The following CEP85L variants were observed in gnomAD, a reference collection of about 807,000 sequenced individuals.
CEP85L encodes centrosomal protein of 85 kDa-like.
A neutral mutation model predicts 100.3 loss-of-function variants in CEP85L; 60 were observed. The observed-to-expected ratio is 0.60, with a 90% confidence interval of 0.49 to 0.74. CEP85L has a LOEUF of 0.74. Ranked by LOEUF, CEP85L falls within the 30% of genes least tolerant of loss-of-function variation. CEP85L has a pLI of 0.00. For synonymous variants in CEP85L, 319 were observed against 322.7 expected, an observed-to-expected ratio of 0.99 and a Z score of 0.12; for missense variants, 973 against 936.2, an observed-to-expected ratio of 1.04 and a Z score of -0.51.
chr6:118,589,937 C>G (rs951965369), intron 2 of CEP85L, among the ~76,000 whole-genome samples: 3 of 152,134 alleles, frequency 2.0e-5, no homozygotes, highest in African/African-American at 7.2e-5. Flanking sequence ...CCTCAGAAAA[C>G]AAGTATTGTC....
At chr6:118,519,320 C>T (rs970813122) in intron 4 of CEP85L, among the ~76,000 whole-genome samples, 4 of 151,348 alleles carry the variant, frequency 2.6e-5, no homozygotes, top group Non-Finnish European at 4.4e-5. Context: ...TGGGTGTGGT[C>T]GCGGGCTACT....
chr6:118,701,039 A>G (rs1475947406), intron 1 of CEP85L, among the ~76,000 whole-genome samples: 1 of 152,200 alleles, frequency 6.6e-6, no homozygotes, highest in African/African-American at 2.4e-5. Context: ...TACATTCTGT[A>G]GGAGAGACAT....
chr6:118,611,579 G>A (rs542881057), intron 2 of CEP85L, among the ~76,000 whole-genome samples: 9 of 152,100 alleles, frequency 5.9e-5, no homozygotes, highest in Non-Finnish European at 8.8e-5. Context: ...GCAGATTGAT[G>A]AGAAACCACG....
chr6:118,661,861 C>T (rs1402720198), intron 1 of CEP85L, among the ~76,000 whole-genome samples: 1 of 152,206 alleles, frequency 6.6e-6, no homozygotes, highest in African/African-American at 2.4e-5. Flanking sequence ...ACTAAAGCCA[C>T]CTCATAAACC....
At chr6:118,646,719 C>G (rs1775223555) in intron 1 of CEP85L, among the ~76,000 whole-genome samples, 1 of 152,158 alleles carries the variant, frequency 6.6e-6, no homozygotes, top group South Asian at 2.1e-4. Context: ...TCTTCACTTT[C>G]TTAATGCAAA....
At chr6:118,487,077 T>C (rs1040646595) in intron 6 of CEP85L, among the ~76,000 whole-genome samples, 2 of 151,768 alleles carry the variant, frequency 1.3e-5, no homozygotes, top group African/African-American at 4.8e-5. Flanking sequence ...AAGAATAAAA[T>C]GCTATAAGCA....
intron 3 of CEP85L, among the ~76,000 whole-genome samples, chr6:118,557,164 A>G (rs879669112): frequency 6.6e-6 from 1 of 152,230 alleles, no homozygotes; most frequent in African/African-American, 2.4e-5. Flanking sequence ...ATAAAAAGGA[A>G]TAACAATTTG....
chr6:118,632,402 C>T, intron 2 of CEP85L, 51 bp downstream of exon 2: 1 of 1,414,260 alleles, frequency 7.1e-7, no homozygotes, highest in Non-Finnish European at 9.5e-7. Flanking sequence ...ATTCTTGTAC[C>T]ACAACCACTC....
intron 1 of CEP85L, among the ~76,000 whole-genome samples, chr6:118,672,904 G>A (rs1322191988): frequency 6.6e-6 from 1 of 151,952 alleles, no homozygotes; most frequent in Non-Finnish European, 1.5e-5. Context: ...AGAAAGAAGA[G>A]GAGGAGGGAG....
chr6:118,601,181 T>C (rs549187685), intron 2 of CEP85L, among the ~76,000 whole-genome samples: 11 of 152,330 alleles, frequency 7.2e-5, no homozygotes, highest in Non-Finnish European at 1.2e-4. Flanking sequence ...CTACCTCATA[T>C]GGTTATTGTG....
chr6:118,546,241 A>G (rs1175858516), intron 3 of CEP85L, among the ~76,000 whole-genome samples: 1 of 152,122 alleles, frequency 6.6e-6, no homozygotes, highest in Non-Finnish European at 1.5e-5. Context: ...ACCAATCTAA[A>G]AAGTAAATTT....
At chr6:118,573,685 GATAGATGGGTATATATTATACCATT>G (rs1159815462) in intron 2 of CEP85L, among the ~76,000 whole-genome samples, 2 of 152,014 alleles carry the variant, frequency 1.3e-5, no homozygotes, top group African/African-American at 4.8e-5. Context: ...TACCATTATA[GATAGATGGGTATATATTATACCATT>G]ATAGATGGGT....
chr6:118,512,965 T>C (rs556293108), intron 4 of CEP85L, among the ~76,000 whole-genome samples: 3 of 152,238 alleles, frequency 2.0e-5, no homozygotes, highest in South Asian at 2.1e-4. Context: ...TAGACAAGGA[T>C]AGTAAATCAG....
intron 1 of CEP85L, among the ~76,000 whole-genome samples, chr6:118,692,793 A>T (rs1317322662): frequency 2.8e-5 from 2 of 71,648 alleles, no homozygotes; most frequent in Non-Finnish European, 6.9e-5. Flanking sequence ...GTATAGATAC[A>T]ATGATAGAAG....
At chr6:118,547,119 A>G (rs1246259899) in intron 3 of CEP85L, among the ~76,000 whole-genome samples, 3 of 152,130 alleles carry the variant, frequency 2.0e-5, no homozygotes, top group Admixed American at 6.6e-5. Flanking sequence ...TTAAAAAATT[A>G]AAAATTACAA....
rs954120694 is a variant in CEP85L at position 118,461,218 on chromosome 6, T to A, written c.*4187A>T. 5.3e-5 allele frequency: 8 copies of A among 152,098 alleles called. No homozygotes were observed. Among genetic ancestry groups the A allele is most frequent in the South Asian group, 2.1e-4 (1 of 4,834 alleles). 9.4% of individuals were successfully genotyped at this position (152,098 alleles called of 1,614,324 possible). A position where few individuals can be genotyped will look rare whatever the true frequency, so the allele number is the denominator to read the frequency against. ...ACTTCTTGTCATCACAACAATGCGA[T>A]GTTAAGTTTTATGTTTATGTATTTA... is the stretch of plus-strand genomic sequence containing the variant. On this transcript the variant is annotated 3_prime_UTR_variant, in exon 13 of 13. Coordinates refer to ENST00000368491, the MANE Select transcript of CEP85L (RefSeq NM_001042475.3).
chr6:118,631,218 C>T (rs1486772477), intron 2 of CEP85L, among the ~76,000 whole-genome samples: 1 of 152,030 alleles, frequency 6.6e-6, no homozygotes, highest in Non-Finnish European at 1.5e-5. Flanking sequence ...TCCTGCTGCT[C>T]TAAAAAAACT....
intron 4 of CEP85L, among the ~76,000 whole-genome samples, chr6:118,515,920 C>T (rs962338772): frequency 6.6e-6 from 1 of 152,078 alleles, no homozygotes; most frequent in African/African-American, 2.4e-5. Flanking sequence ...CCCAGATAGG[C>T]CCTGGTGTGT....
intron 2 of CEP85L, among the ~76,000 whole-genome samples, chr6:118,629,621 T>C (rs536987311): frequency 9.9e-5 from 15 of 152,270 alleles, no homozygotes; most frequent in Non-Finnish European, 2.1e-4. Context: ...GGTGGTTTTT[T>C]TACAAAACTA....
Sources: gnomAD v4.1 joint callset for allele counts (sites outside exome capture counted in the v4.1 genomes callset) on GRCh38, gnomAD v4.1.1 for gene constraint, MANE v1.5 for transcripts, NCBI Gene and HGNC (gene_info 2026-07-23, HGNC 2026-07-21) for gene names.